KIF21A: variants seen among roughly 807,000 people sequenced by gnomAD.
KIF21A encodes the protein kinesin family member 21A.
In KIF21A, 114 loss-of-function variants were observed where a neutral mutation model predicts 202.9. The observed-to-expected ratio is 0.56, with a 90% CI of 0.48 to 0.66. The LOEUF is 0.66. KIF21A is among the 30% of genes least tolerant of loss of function. The pLI is 0.00. For synonymous variants in KIF21A, 667 were observed against 670.8 expected, an observed-to-expected ratio of 0.99 and a Z score of 0.09; for missense variants, 1,677 against 1,994.9, an observed-to-expected ratio of 0.84 and a Z score of 3.04.
At position 39,326,273 on chromosome 12, in the gene KIF21A, G is replaced by C; in HGVS notation, c.3392C>G (p.Ser1131Ter). 1 of 1,609,962 alleles carries C rather than the reference G, an allele frequency of 6.2e-7. No individual in the cohort carries two copies. Among genetic ancestry groups the C allele is most frequent in the East Asian group, 2.2e-5 (1 of 44,770 alleles). ...CTAAAGGCCTTCTTACCTTCCTTCT[G>C]ATCCTGGGCTGTTTAAAGGAGCATC... The part of the protein sequence containing the change: ...DEDAPLNSPG[S>*]EGSTLSSDLM... The change falls in exon 25 of 38, where the codon TCA (serine) becomes TGA (stop). Residue 1131 changes from serine (S) to a stop codon, truncating the protein, a stop_gained. Coordinates refer to ENST00000361418, the MANE Select transcript of KIF21A (RefSeq NM_001173464.2). LOFTEE classifies it high-confidence loss of function.
intron 12 of KIF21A, among the ~76,000 whole-genome samples, chr12:39,344,534 C>T (rs996535489): frequency 6.6e-6 from 1 of 152,174 alleles, no homozygotes; most frequent in Non-Finnish European, 1.5e-5. Context: ...AGCCATACAA[C>T]CACCTTATTC....
chr12:39,383,490 C>T (rs1950748413), intron 1 of KIF21A, among the ~76,000 whole-genome samples: 1 of 152,150 alleles, frequency 6.6e-6, no homozygotes, highest in South Asian at 2.1e-4. Context: ...AGAAATCCTC[C>T]TAGAGTCAAT....
intron 27 of KIF21A, 119 bp downstream of exon 27, chr12:39,322,549 G>A (rs146407215): frequency 3.0e-4 from 235 of 771,290 alleles, no homozygotes; most frequent in African/African-American, 2.8e-3. Context: ...AAATTATTTC[G>A]AAAACCAGAG....
chr12:39,300,083 C>T (rs961807673), intron 37 of KIF21A, among the ~76,000 whole-genome samples: 4 of 152,146 alleles, frequency 2.6e-5, no homozygotes, highest in Non-Finnish European at 4.4e-5. Context: ...AAAACCAGCA[C>T]ATGTACCCCT....
intron 21 of KIF21A, 142 bp from the exon 22 acceptor site, chr12:39,331,933 C>T: frequency 1.3e-6 from 1 of 742,618 alleles, no homozygotes; most frequent in South Asian, 1.5e-5. Context: ...ATCATTACCC[C>T]AAGAAACATA....
intron 11 of KIF21A, among the ~76,000 whole-genome samples, chr12:39,348,218 A>G (rs1042321085): frequency 1.3e-5 from 2 of 152,040 alleles, no homozygotes; most frequent in African/African-American, 4.8e-5. Flanking sequence ...CCATAACTTA[A>G]AGGAAAACTT....
At chr12:39,427,376 A>G (rs564457803) in intron 1 of KIF21A, among the ~76,000 whole-genome samples, 21 of 152,322 alleles carry the variant, frequency 1.4e-4, no homozygotes, top group Admixed American at 1.2e-3. Context: ...TGCCTGTAAT[A>G]TACTCAACAG....
chr12:39,306,203 C>T (rs932099937), intron 34 of KIF21A, among the ~76,000 whole-genome samples: 3 of 152,206 alleles, frequency 2.0e-5, no homozygotes, highest in African/African-American at 4.8e-5. Context: ...TTAAGATCTA[C>T]ACTTAATTAG....
At chr12:39,300,237 T>C (rs58761870) in intron 37 of KIF21A, among the ~76,000 whole-genome samples, 2,580 of 152,270 alleles carry the variant, frequency 0.017, 90 homozygotes, top group African/African-American at 0.057. Flanking sequence ...GTATTGGGTG[T>C]CCCACAGCCA....
chr12:39,342,800 C>T (rs966933655), intron 12 of KIF21A, among the ~76,000 whole-genome samples: 1 of 152,124 alleles, frequency 6.6e-6, no homozygotes, highest in Non-Finnish European at 1.5e-5. Context: ...GGGTCTGCCG[C>T]AAGATTCACC....
intron 1 of KIF21A, among the ~76,000 whole-genome samples, chr12:39,384,580 G>A (rs1950822570): frequency 6.6e-6 from 1 of 152,166 alleles, no homozygotes; most frequent in African/African-American, 2.4e-5. Context: ...TAGGTATATA[G>A]GGCTTTTTTT....
intron 34 of KIF21A, among the ~76,000 whole-genome samples, chr12:39,306,132 G>T (rs1403313288): frequency 1.3e-5 from 2 of 152,214 alleles, no homozygotes; most frequent in South Asian, 4.1e-4. Context: ...CTGGAATAAA[G>T]ACATGTATCT....
chr12:39,387,161 TACACAC>T (rs3036323), intron 1 of KIF21A, among the ~76,000 whole-genome samples: 2,528 of 138,192 alleles, frequency 0.018, 31 homozygotes, highest in South Asian at 0.038. Context: ...ATGCAGTAGT[TACACAC>T]ACACACACAC....
chr12:39,359,667 T>C (rs927377486), intron 7 of KIF21A, among the ~76,000 whole-genome samples: 11 of 152,186 alleles, frequency 7.2e-5, no homozygotes, highest in Non-Finnish European at 1.5e-4. Context: ...ATAGAGCAAC[T>C]TGAAGTGTGG....
At chr12:39,438,638 G>A (rs886581422) in intron 1 of KIF21A, among the ~76,000 whole-genome samples, 3 of 152,136 alleles carry the variant, frequency 2.0e-5, no homozygotes, top group Non-Finnish European at 4.4e-5. Flanking sequence ...CAAACTCACT[G>A]TCAAGGATAG....
intron 1 of KIF21A, among the ~76,000 whole-genome samples, chr12:39,386,501 T>A (rs529732765): frequency 6.6e-6 from 1 of 152,174 alleles, no homozygotes; most frequent in Non-Finnish European, 1.5e-5. Flanking sequence ...CTAACAAAAT[T>A]TGACAGCCAG....
At chr12:39,428,774 A>G (rs1954957893) in intron 1 of KIF21A, among the ~76,000 whole-genome samples, 1 of 152,158 alleles carries the variant, frequency 6.6e-6, no homozygotes, top group Admixed American at 6.5e-5. Flanking sequence ...CCTGGCCAAC[A>G]TGGTGAAACC....
At chr12:39,414,101 G>T (rs939864989) in intron 1 of KIF21A, among the ~76,000 whole-genome samples, 17 of 152,136 alleles carry the variant, frequency 1.1e-4, no homozygotes, top group Non-Finnish European at 2.1e-4. Flanking sequence ...AATCTCACTT[G>T]ATTCTTTCTT....
rs1944860387 is a variant in KIF21A at position 39,318,765 on chromosome 12, A to T, written c.3780-564T>A. ...GGGAGGCCGAGGCGGGCGGATCATG[A>T]GGTCAGAGATTGAGAGCATCCTGGC... is the stretch of plus-strand genomic sequence containing the variant. On this transcript the variant is annotated intron_variant, in intron 28 of 37. Coordinates refer to ENST00000361418, the MANE Select transcript of KIF21A (RefSeq NM_001173464.2). Among the ~76,000 whole-genome samples, 3 of 152,238 alleles carry T rather than the reference A, an allele frequency of 2.0e-5. No individual in the cohort carries two copies. In the South Asian group the frequency reaches 6.2e-4, roughly 32 times the overall value.
Sources: allele counts gnomAD v4.1 joint callset (sites outside exome capture counted in the v4.1 genomes callset), GRCh38; gene constraint gnomAD v4.1.1; transcripts MANE v1.5; gene names NCBI Gene and HGNC (gene_info 2026-07-23, HGNC 2026-07-21).